Variants in OR4K5 observed in about 807,000 individuals in gnomAD.
OR4K5 encodes the protein olfactory receptor family 4 subfamily K member 5.
For missense variants in OR4K5, 520 were observed against 377.1 expected (o/e 1.38, Z -3.14); for synonymous variants, 187 against 142.2 (o/e 1.31, Z -2.24).
At position 19,921,127 on chromosome 14, in the gene OR4K5, T is replaced by C. The variant is rs1881927823; in HGVS notation, c.521T>C (p.Val174Ala). ...VNLPFCGPNV[V>A]DSFFCDLPRV... ...CTGCCTTTTTGTGGACCTAATGTAG[T>C]AGACAGCTTTTTTTGTGATCTTCCT... The change falls in exon 1 of 1, where the codon GTA becomes GCA. Residue 174 changes from valine to alanine, a missense_variant. Physicochemically the swap from Val to Ala is moderately conservative, Grantham distance 64 (BLOSUM62 0). Coordinates refer to ENST00000315915, the MANE Select transcript of OR4K5 (RefSeq NM_001005483.1). The C allele has an allele frequency of 6.2e-7, 1 of 1,614,082 alleles. No individual in the cohort carries two copies. The highest frequency in any genetic ancestry group is 1.1e-5 in the South Asian group (1 of 91,092).
At position 19,921,396 on chromosome 14, in the gene OR4K5, A is replaced by G; in HGVS notation, c.790A>G (p.Ile264Val). 1.2e-6 allele frequency: 2 copies of G among 1,613,988 alleles called. No individual in the cohort carries two copies. The highest frequency in any genetic ancestry group is 2.2e-5 in the East Asian group (1 of 44,892). The stretch of plus-strand genomic sequence containing the variant: ...CTTCATCTATGTGTGGCCCTTTACC[A>G]TCTCTCCTTTGGATAAATTTCTTGC... ...CIFIYVWPFT[I>V]SPLDKFLAIF... The change falls in exon 1 of 1, where the codon ATC (isoleucine) becomes GTC (valine). Residue 264 changes from isoleucine (I) to valine (V), a missense_variant. Physicochemically the swap from Ile to Val is conservative, Grantham distance 29. Transcript: ENST00000315915.
rs143832904 is a variant in OR4K5, at chr14:19,921,131, C to T, written c.525C>T (p.Asp175=). 1.9e-6 allele frequency: 3 copies of T among 1,614,150 alleles called. No homozygotes were observed. Among genetic ancestry groups the T allele is most frequent in the South Asian group, 1.1e-5 (1 of 91,082 alleles). The part of the protein sequence containing the change: ...NLPFCGPNVV[D]SFFCDLPRVT... ...CTTTTTGTGGACCTAATGTAGTAGA[C>T]AGCTTTTTTTGTGATCTTCCTCGAG... The change falls in exon 1 of 1, where the codon GAC becomes GAT. Residue 175 remains aspartate (D), a synonymous_variant. Coordinates refer to ENST00000315915, the MANE Select transcript of OR4K5 (RefSeq NM_001005483.1).
At position 19,920,716 on chromosome 14, in the gene OR4K5, T is replaced by A. The variant is rs776833734; in HGVS notation, c.110T>A (p.Val37Asp). The A allele has an allele frequency of 6.2e-7, 1 of 1,614,126 alleles. No homozygotes were observed. The highest frequency in any genetic ancestry group is 1.7e-5 in the Admixed American group (1 of 60,014). ...YFCFFSVLYT[V>D]IVLGNLLIIL... Reference sequence around the variant, plus strand: ...TGTTTCTTCTCTGTGTTGTATACAGTCATTGTGCTGGGAAATCTTCTCATT... The same window carrying A: ...TGTTTCTTCTCTGTGTTGTATACAGACATTGTGCTGGGAAATCTTCTCATT... The change falls in exon 1 of 1, where the codon GTC becomes GAC. Residue 37 changes from valine to aspartate, a missense_variant. By Grantham distance (152) the Val-to-Asp change is radical (BLOSUM62 -3). Coordinates refer to ENST00000315915, the MANE Select transcript of OR4K5 (RefSeq NM_001005483.1).
At position 19,920,699 on chromosome 14, in the gene OR4K5, C is replaced by G; in HGVS notation, c.93C>G (p.Phe31Leu). 4 of 1,614,076 alleles carry G rather than the reference C, an allele frequency of 2.5e-6. No homozygotes were observed. Among genetic ancestry groups the G allele is most frequent in the Non-Finnish European group, 3.4e-6 (4 of 1,179,946 alleles). The change falls in exon 1 of 1, where the codon TTC becomes TTG. Residue 31 changes from phenylalanine (F) to leucine (L), a missense_variant. Transcript: ENST00000315915. ...QKLQLFYFCF[F>L]SVLYTVIVLG... is the part of the protein sequence containing the mutation. ...TCCAGCTTTTCTATTTTTGTTTCTTCTCTGTGTTGTATACAGTCATTGTGC... is the reference window on the plus strand; with the variant it reads ...TCCAGCTTTTCTATTTTTGTTTCTTGTCTGTGTTGTATACAGTCATTGTGC...
chr14:19,921,125 A>T lies in OR4K5; in HGVS notation c.519A>T (p.Val173=). 1 of 1,614,032 alleles carries T rather than the reference A, an allele frequency of 6.2e-7. No individual in the cohort carries two copies. The highest frequency in any genetic ancestry group is 8.5e-7 in the Non-Finnish European group (1 of 1,179,858). Residue 173 remains valine, a synonymous_variant, in exon 1 of 1, where the codon GTA becomes GTT. Coordinates refer to ENST00000315915, the MANE Select transcript of OR4K5 (RefSeq NM_001005483.1). ...TVNLPFCGPN[V]VDSFFCDLPR... is the part of the protein sequence containing the mutation. ...ACCTGCCTTTTTGTGGACCTAATGT[A>T]GTAGACAGCTTTTTTTGTGATCTTC...
rs758408511 is a variant in OR4K5 at position 19,921,066 on chromosome 14, G to A, written c.460G>A (p.Val154Met). ...LVMISWAVSL[V>M]HTLSQLSFTV... ...AATGATCTCCTGGGCTGTGAGCTTGGTGCACACATTAAGCCAGTTATCATT... is the reference window on the plus strand; with the variant it reads ...AATGATCTCCTGGGCTGTGAGCTTGATGCACACATTAAGCCAGTTATCATT... Residue 154 changes from valine (V) to methionine (M), a missense_variant, in exon 1 of 1, where the codon GTG (valine) becomes ATG (methionine). Transcript: ENST00000315915. 9.9e-6 allele frequency: 16 copies of A among 1,614,060 alleles called. 1 individual carries two copies. In the South Asian group the frequency reaches 1.3e-4, roughly 13 times the overall value.
rs2138576058 is a variant in OR4K5, at chr14:19,920,712, A to G, written c.106A>G (p.Thr36Ala). 6.2e-7 allele frequency: 1 copy of G among 1,614,142 alleles called. No individual in the cohort carries two copies. The highest frequency in any genetic ancestry group is 2.2e-5 in the East Asian group (1 of 44,886). The stretch of plus-strand genomic sequence containing the variant: ...TTTTTGTTTCTTCTCTGTGTTGTAT[A>G]CAGTCATTGTGCTGGGAAATCTTCT... ...FYFCFFSVLY[T>A]VIVLGNLLII... Residue 36 changes from threonine to alanine, a missense_variant, in exon 1 of 1, where the codon ACA (threonine) becomes GCA (alanine). Transcript: ENST00000315915.
In OR4K5 at chr14:19,921,046, T is replaced by A. The variant is rs760702054; in HGVS notation, c.440T>A (p.Ile147Asn). 71 of 1,613,996 alleles carry A rather than the reference T, an allele frequency of 4.4e-5. No homozygotes were observed. Among genetic ancestry groups the A allele is most frequent in the African/African-American group, 1.7e-4 (13 of 74,944 alleles). Residue 147 changes from isoleucine to asparagine, a missense_variant, in exon 1 of 1, where the codon ATC becomes AAC. Ile to Asn is a moderately radical substitution (Grantham distance 149). Coordinates refer to ENST00000315915, the MANE Select transcript of OR4K5 (RefSeq NM_001005483.1). ...AGGACATGCACTGTCTTGGTAATGA[T>A]CTCCTGGGCTGTGAGCTTGGTGCAC... The part of the protein sequence containing the change: ...SRRTCTVLVM[I>N]SWAVSLVHTL...
Position 19,921,185 on chromosome 14 carries a change from C to A in OR4K5, c.579C>A (p.Tyr193Ter), listed in dbSNP as rs779675831. Reference sequence around the variant, plus strand: ...CCAAACTTGCCTGCCTGGACTCTTACATCATTGAAATACTAATTGTGGTCA... The same window carrying A: ...CCAAACTTGCCTGCCTGGACTCTTAAATCATTGAAATACTAATTGTGGTCA... ...RVTKLACLDS[Y>*]IIEILIVVNS... is the part of the protein sequence containing the mutation. The change falls in exon 1 of 1, where the codon TAC becomes TAA. Residue 193 changes from tyrosine to a stop codon, truncating the protein, a stop_gained. Coordinates refer to ENST00000315915, the MANE Select transcript of OR4K5 (RefSeq NM_001005483.1). LOFTEE classifies it low-confidence loss of function (END_TRUNC). The A allele has an allele frequency of 1.2e-6, 2 of 1,614,176 alleles. No individual in the cohort carries two copies. Among genetic ancestry groups the A allele is most frequent in the Admixed American group, 1.7e-5 (1 of 60,006 alleles).
At position 19,920,648 on chromosome 14, in the gene OR4K5, G is replaced by C. The variant is rs375886777; in HGVS notation, c.42G>C (p.Leu14=). The C allele has an allele frequency of 3.1e-6, 5 of 1,613,582 alleles. No individual in the cohort carries two copies. The highest frequency in any genetic ancestry group is 1.1e-5 in the South Asian group (1 of 91,018). ...SNSSVVSEFV[L]LGLCSSQKLQ... ...CTTCAGTGGTGTCTGAATTTGTACT[G>C]TTGGGACTCTGTAGTTCTCAAAAAC... The change falls in exon 1 of 1, where the codon CTG becomes CTC. Residue 14 remains leucine, a synonymous_variant. Coordinates refer to ENST00000315915, the MANE Select transcript of OR4K5 (RefSeq NM_001005483.1).
Position 19,920,619 on chromosome 14 carries a change from A to T in OR4K5, c.13A>T (p.Asn5Tyr). 1.2e-6 allele frequency: 2 copies of T among 1,606,556 alleles called. No homozygotes were observed. MDKS[N>Y]SSVVSEFVLL... Reference sequence around the variant, plus strand: ...GCAGCTTGGAACCATGGATAAGTCCAATTCTTCAGTGGTGTCTGAATTTGT... The same window carrying T: ...GCAGCTTGGAACCATGGATAAGTCCTATTCTTCAGTGGTGTCTGAATTTGT... Residue 5 changes from asparagine (N) to tyrosine (Y), a missense_variant, in exon 1 of 1, where the codon AAT becomes TAT. Physicochemically the swap from Asn to Tyr is moderately radical, Grantham distance 143. Transcript: ENST00000315915.
In OR4K5 at chr14:19,921,279, G is replaced by T. The variant is rs749034915; in HGVS notation, c.673G>T (p.Val225Phe). The T allele has an allele frequency of 6.2e-7, 1 of 1,614,136 alleles. No individual in the cohort carries two copies. Among genetic ancestry groups the T allele is most frequent in the Non-Finnish European group, 8.5e-7 (1 of 1,179,996 alleles). ...CTCCTACATCATTATTCTTGTTACA[G>T]TTTGGCTCAAGTCTTCAGCTGCAAT... Reference protein sequence around the residue: ...VSSYIIILVTVWLKSSAAMAK... With the variant: ...VSSYIIILVTFWLKSSAAMAK... Residue 225 changes from valine (V) to phenylalanine (F), a missense_variant, in exon 1 of 1, where the codon GTT becomes TTT. Coordinates refer to ENST00000315915, the MANE Select transcript of OR4K5 (RefSeq NM_001005483.1).
chr14:19,921,467 T>C lies in OR4K5; in HGVS notation c.861T>C (p.Tyr287=), dbSNP rs757164945. 15 of 1,614,088 alleles carry C rather than the reference T, an allele frequency of 9.3e-6. No individual in the cohort carries two copies. The highest frequency in any genetic ancestry group is 1.2e-5 in the Non-Finnish European group (14 of 1,179,940). The change falls in exon 1 of 1, where the codon TAT becomes TAC. Residue 287 remains tyrosine, a synonymous_variant. Coordinates refer to ENST00000315915, the MANE Select transcript of OR4K5 (RefSeq NM_001005483.1). ...VFTPVLNPII[Y]TLRNRDMKAA... The stretch of plus-strand genomic sequence containing the variant: ...CCCCCGTCCTAAACCCCATTATTTA[T>C]ACACTAAGGAATAGGGATATGAAGG...
In OR4K5 at chr14:19,921,176, G is replaced by A. The variant is rs1594448802; in HGVS notation, c.570G>A (p.Leu190=). Residue 190 remains leucine, a synonymous_variant, in exon 1 of 1, where the codon CTG becomes CTA. Coordinates refer to ENST00000315915, the MANE Select transcript of OR4K5 (RefSeq NM_001005483.1). The stretch of plus-strand genomic sequence containing the variant: ...CTCGAGTCACCAAACTTGCCTGCCT[G>A]GACTCTTACATCATTGAAATACTAA... The part of the protein sequence containing the change: ...DLPRVTKLAC[L]DSYIIEILIV... The A allele has an allele frequency of 6.2e-7, 1 of 1,614,062 alleles. No homozygotes were observed. Among genetic ancestry groups the A allele is most frequent in the Non-Finnish European group, 8.5e-7 (1 of 1,179,986 alleles).
chr14:19,920,714 A>C lies in OR4K5; in HGVS notation c.108A>C (p.Thr36=). 6.2e-7 allele frequency: 1 copy of C among 1,614,146 alleles called. No homozygotes were observed. Among genetic ancestry groups the C allele is most frequent in the Non-Finnish European group, 8.5e-7 (1 of 1,179,970 alleles). Residue 36 remains threonine, a synonymous_variant, in exon 1 of 1, where the codon ACA becomes ACC. Coordinates refer to ENST00000315915, the MANE Select transcript of OR4K5 (RefSeq NM_001005483.1). Reference sequence around the variant, plus strand: ...TTTGTTTCTTCTCTGTGTTGTATACAGTCATTGTGCTGGGAAATCTTCTCA... The same window carrying C: ...TTTGTTTCTTCTCTGTGTTGTATACCGTCATTGTGCTGGGAAATCTTCTCA... ...FYFCFFSVLY[T]VIVLGNLLII... is the part of the protein sequence containing the mutation.
chr14:19,920,782 T>C lies in OR4K5; in HGVS notation c.176T>C (p.Met59Thr). Residue 59 changes from methionine to threonine, a missense_variant, in exon 1 of 1, where the codon ATG (methionine) becomes ACG (threonine). By Grantham distance (81) the Met-to-Thr change is moderately conservative (BLOSUM62 -1). Coordinates refer to ENST00000315915, the MANE Select transcript of OR4K5 (RefSeq NM_001005483.1). ...VTSDTSLHSPMYFLLGNLSFV... is the reference protein window; with the variant it reads ...VTSDTSLHSPTYFLLGNLSFV... ...TCTGATACCAGCCTGCACTCCCCTATGTACTTTCTCTTGGGAAACCTTTCC... is the reference window on the plus strand; with the variant it reads ...TCTGATACCAGCCTGCACTCCCCTACGTACTTTCTCTTGGGAAACCTTTCC... The C allele has an allele frequency of 1.2e-6, 2 of 1,614,198 alleles. No homozygotes were observed. The highest frequency in any genetic ancestry group is 1.1e-5 in the South Asian group (1 of 91,092).
Position 19,921,211 on chromosome 14 carries a change from A to G in OR4K5, c.605A>G (p.Asn202Ser), listed in dbSNP as rs1349421303. The G allele has an allele frequency of 6.2e-7, 1 of 1,614,172 alleles. No homozygotes were observed. The highest frequency in any genetic ancestry group is 8.5e-7 in the Non-Finnish European group (1 of 1,179,998). The change falls in exon 1 of 1, where the codon AAT becomes AGT. Residue 202 changes from asparagine to serine, a missense_variant. Coordinates refer to ENST00000315915, the MANE Select transcript of OR4K5 (RefSeq NM_001005483.1). Reference protein sequence around the residue: ...SYIIEILIVVNSGILSLSTFS... With the variant: ...SYIIEILIVVSSGILSLSTFS... ...ATCATTGAAATACTAATTGTGGTCA[A>G]TAGTGGAATTCTTTCCCTAAGCACT...
rs755418371 is a variant in OR4K5, at chr14:19,921,153, C to G, written c.547C>G (p.Arg183Gly). The G allele has an allele frequency of 1.9e-6, 3 of 1,614,124 alleles. No homozygotes were observed. Among genetic ancestry groups the G allele is most frequent in the Non-Finnish European group, 2.5e-6 (3 of 1,179,974 alleles). The change falls in exon 1 of 1, where the codon CGA (arginine) becomes GGA (glycine). Residue 183 changes from arginine (R) to glycine (G), a missense_variant. Arg to Gly is a moderately radical substitution (Grantham distance 125, BLOSUM62 -2). Coordinates refer to ENST00000315915, the MANE Select transcript of OR4K5 (RefSeq NM_001005483.1). ...AGACAGCTTTTTTTGTGATCTTCCTCGAGTCACCAAACTTGCCTGCCTGGA... is the reference window on the plus strand; with the variant it reads ...AGACAGCTTTTTTTGTGATCTTCCTGGAGTCACCAAACTTGCCTGCCTGGA... Reference protein sequence around the residue: ...VVDSFFCDLPRVTKLACLDSY... With the variant: ...VVDSFFCDLPGVTKLACLDSY...
In OR4K5 at chr14:19,920,627, A is replaced by T. The variant is rs1229467974; in HGVS notation, c.21A>T (p.Ser7=). 1.2e-6 allele frequency: 2 copies of T among 1,610,082 alleles called. No homozygotes were observed. The highest frequency in any genetic ancestry group is 1.7e-6 in the Non-Finnish European group (2 of 1,178,488). ...GAACCATGGATAAGTCCAATTCTTC[A>T]GTGGTGTCTGAATTTGTACTGTTGG... MDKSNS[S]VVSEFVLLGL... The change falls in exon 1 of 1, where the codon TCA becomes TCT. Residue 7 remains serine (S), a synonymous_variant. Transcript: ENST00000315915.
Sources: allele counts gnomAD v4.1 joint callset, GRCh38; gene constraint gnomAD v4.1.1; transcripts MANE v1.5; gene names NCBI Gene and HGNC (gene_info 2026-07-23, HGNC 2026-07-21).